The following PRKG1 variants were observed in gnomAD, a reference collection of about 807,000 sequenced individuals.
The protein encoded by PRKG1 is cGMP-dependent protein kinase 1.
PRKG1 carries 35 observed loss-of-function variants against 88.1 expected under a neutral mutation model. The ratio of observed to expected loss-of-function variants is 0.40; its 90% confidence interval spans 0.30 to 0.53. PRKG1 has a LOEUF of 0.53. PRKG1 is among the 20% of genes least tolerant of loss of function. PRKG1 has a pLI of 0.59. For missense variants in PRKG1, 540 were observed against 839.8 expected (o/e 0.64, Z 4.41); for synonymous variants, 303 against 292.5 (o/e 1.04, Z -0.37).
rs754628389 is a variant in PRKG1 at position 51,888,168 on chromosome 10, G to A, written c.699-19339G>A. On this transcript the variant is annotated intron_variant, in intron 4 of 17. Coordinates refer to ENST00000373980, the MANE Select transcript of PRKG1 (RefSeq NM_006258.4). ...TGGCCCAACTCATTAAAAGATATAC[G>A]TTGAATGTGTGCATTTTTTGTGCAT... is the stretch of plus-strand genomic sequence containing the variant. Among the ~76,000 whole-genome samples, 6 of 152,118 alleles carry A rather than the reference G, an allele frequency of 3.9e-5. No homozygotes were observed. The South Asian group carries it at 8.3e-4, about 21-fold the overall frequency.
chr10:51,188,538 T>A (rs1192026332), intron 2 of PRKG1, among the ~76,000 whole-genome samples: 1 of 151,974 alleles, frequency 6.6e-6, no homozygotes, highest in East Asian at 1.9e-4. Flanking sequence ...TTTTATTTTT[T>A]CAAGATACAA....
At chr10:51,591,101 A>T (rs1401484397) in intron 3 of PRKG1, among the ~76,000 whole-genome samples, 2 of 152,158 alleles carry the variant, frequency 1.3e-5, no homozygotes, top group African/African-American at 4.8e-5. Context: ...AAATTGCCTG[A>T]ACTCGGATTG....
At chr10:51,401,166 A>C (rs1049608101) in intron 2 of PRKG1, among the ~76,000 whole-genome samples, 1 of 152,248 alleles carries the variant, frequency 6.6e-6, no homozygotes, top group African/African-American at 2.4e-5. Context: ...TTTAACCAGT[A>C]TATCCAAAAT....
intron 10 of PRKG1, among the ~76,000 whole-genome samples, chr10:52,263,624 C>A (rs1265558369): frequency 6.6e-6 from 1 of 150,834 alleles, no homozygotes; most frequent in Non-Finnish European, 1.5e-5. Context: ...TCACCCAGGC[C>A]GGAGTGCAGT....
intron 4 of PRKG1, among the ~76,000 whole-genome samples, chr10:51,868,985 T>C (rs1784534033): frequency 1.3e-5 from 2 of 152,234 alleles, no homozygotes; most frequent in Admixed American, 1.3e-4. Context: ...CAGGTTTGGT[T>C]TTTCCAATGA....
At chr10:51,151,294 G>T (rs1385005944) in intron 1 of PRKG1, among the ~76,000 whole-genome samples, 1 of 151,988 alleles carries the variant, frequency 6.6e-6, no homozygotes, top group Non-Finnish European at 1.5e-5. Flanking sequence ...CTATTCTTGA[G>T]ACCAGGAGTG....
At chr10:52,168,232 A>C (rs1466597281) in intron 9 of PRKG1, among the ~76,000 whole-genome samples, 1 of 152,194 alleles carries the variant, frequency 6.6e-6, no homozygotes, top group Non-Finnish European at 1.5e-5. Flanking sequence ...GGGAAGTGAC[A>C]TTTTAACTAG....
Position 51,246,998 on chromosome 10 carries a change from A to C in PRKG1, c.478+93668A>C, listed in dbSNP as rs369137810. ...TGTGGTCTGGATTTGTTTCATGACC[A>C]TGCATTTGTGGATTCTGGATTTGGG... is the stretch of plus-strand genomic sequence containing the variant. On this transcript the variant is annotated intron_variant, in intron 2 of 17. Coordinates refer to ENST00000373980, the MANE Select transcript of PRKG1 (RefSeq NM_006258.4). 1.9e-3 allele frequency among the ~76,000 whole-genome samples: 292 copies of C among 152,178 alleles called. 2 individuals are homozygous for C. Among genetic ancestry groups the C allele is most frequent in the South Asian group, 0.012 (58 of 4,828 alleles).
chr10:51,205,925 A>T (rs1453698788), intron 2 of PRKG1, among the ~76,000 whole-genome samples: 1 of 152,212 alleles, frequency 6.6e-6, no homozygotes, highest in Admixed American at 6.5e-5. Flanking sequence ...GTAAGGGTAT[A>T]CTAAGTGAGA....
intron 7 of PRKG1, among the ~76,000 whole-genome samples, chr10:52,091,408 C>T (rs1425807536): frequency 6.6e-6 from 1 of 152,098 alleles, no homozygotes; most frequent in East Asian, 1.9e-4. Flanking sequence ...TATAACGTAA[C>T]CCAATAGTGG....
intron 1 of PRKG1, among the ~76,000 whole-genome samples, chr10:51,081,154 G>A (rs1184735920): frequency 6.6e-6 from 1 of 151,986 alleles, no homozygotes; most frequent in Non-Finnish European, 1.5e-5. Context: ...TCCATATCTT[G>A]TCTTTTTCAG....
intron 9 of PRKG1, among the ~76,000 whole-genome samples, chr10:52,188,505 A>G (rs1467140039): frequency 2.6e-5 from 4 of 151,390 alleles, no homozygotes; most frequent in Non-Finnish European, 1.5e-5. Flanking sequence ...GGCATGTGCC[A>G]CCATGCCTGG....
intron 1 of PRKG1, among the ~76,000 whole-genome samples, chr10:51,058,916 A>G (rs944196550): frequency 3.3e-5 from 5 of 152,178 alleles, no homozygotes; most frequent in East Asian, 1.9e-4. Context: ...TTAAACGACT[A>G]TATTTATGTA....
chr10:51,662,774 C>T (rs1840331290), intron 3 of PRKG1, among the ~76,000 whole-genome samples: 1 of 151,986 alleles, frequency 6.6e-6, no homozygotes, highest in South Asian at 2.1e-4. Flanking sequence ...TTTAACTGAG[C>T]CTTAAAAGAT....
intron 2 of PRKG1, among the ~76,000 whole-genome samples, chr10:51,399,429 T>C (rs970146084): frequency 6.6e-6 from 1 of 152,080 alleles, no homozygotes; most frequent in Non-Finnish European, 1.5e-5. Context: ...GTAGAGAATA[T>C]ATCTGATCAA....
At chr10:51,313,069 C>T (rs550749236) in intron 2 of PRKG1, among the ~76,000 whole-genome samples, 5 of 126,238 alleles carry the variant, frequency 4.0e-5, no homozygotes, top group Non-Finnish European at 8.8e-5. Context: ...CATTAAGTTG[C>T]AGTGTGTGTG....
intron 1 of PRKG1, among the ~76,000 whole-genome samples, chr10:51,113,747 A>T (rs75866077): frequency 1.2e-4 from 5 of 40,680 alleles, no homozygotes; most frequent in South Asian, 1.8e-3. Flanking sequence ...AAAAAAAAAA[A>T]AACTAAAAGA....
At chr10:52,227,449 T>C (rs1840415509) in intron 9 of PRKG1, among the ~76,000 whole-genome samples, 1 of 152,196 alleles carries the variant, frequency 6.6e-6, no homozygotes, top group Non-Finnish European at 1.5e-5. Flanking sequence ...CAACGCAATG[T>C]AACAACTATT....
intron 5 of PRKG1, among the ~76,000 whole-genome samples, chr10:52,042,939 G>A (rs1017494844): frequency 6.6e-6 from 1 of 152,038 alleles, no homozygotes; most frequent in African/African-American, 2.4e-5. Context: ...ATTTCTCAAA[G>A]GAAGATTTAG....
Sources: gnomAD v4.1 joint callset for allele counts (sites outside exome capture counted in the v4.1 genomes callset) on GRCh38, gnomAD v4.1.1 for gene constraint, MANE v1.5 for transcripts, NCBI Gene and HGNC (gene_info 2026-07-23, HGNC 2026-07-21) for gene names.